GATAD2B: variants seen among roughly 807,000 people sequenced by gnomAD.
The protein encoded by GATAD2B is GATA zinc finger domain containing 2B.
In GATAD2B, 8 loss-of-function variants were observed where a neutral mutation model predicts 64.3. The ratio of observed to expected loss-of-function variants is 0.12; its 90% CI spans 0.07 to 0.22. GATAD2B has a LOEUF of 0.22. Ranked by LOEUF, GATAD2B falls within the 10% of genes least tolerant of loss-of-function variation. GATAD2B has a pLI of 1.00. For synonymous variants in GATAD2B, 281 were observed against 271.3 expected (o/e 1.04, Z -0.35); for missense variants, 453 against 752.0 (o/e 0.60, Z 4.65).
chr1:153,851,240 G>A (rs1399237101), intron 1 of GATAD2B, among the ~76,000 whole-genome samples: 1 of 152,106 alleles, frequency 6.6e-6, no homozygotes, highest in Admixed American at 6.6e-5. Flanking sequence ...TTAGCATAAT[G>A]TCCTCAAGCT....
chr1:153,856,121 CTT>C (rs1469121128), intron 1 of GATAD2B, among the ~76,000 whole-genome samples: 1 of 152,230 alleles, frequency 6.6e-6, no homozygotes, highest in African/African-American at 2.4e-5. Flanking sequence ...ACTGCCAACT[CTT>C]TGACACTCTT....
chr1:153,902,504 G>C (rs116185772), intron 1 of GATAD2B, among the ~76,000 whole-genome samples: 2 of 151,876 alleles, frequency 1.3e-5, no homozygotes, highest in African/African-American at 2.4e-5. Context: ...ACCCAGGCTC[G>C]AGTGAAGTGG....
rs576265951 is a variant in GATAD2B, at chr1:153,806,682, C to T, written c.*3495G>A. Reference sequence around the variant, plus strand: ...TCAAGAAATAGCTTATATACATGAACGAGTCCTTGTTATAACATCTCGGCA... The same window carrying T: ...TCAAGAAATAGCTTATATACATGAATGAGTCCTTGTTATAACATCTCGGCA... On this transcript the variant is annotated 3_prime_UTR_variant, in exon 11 of 11. Coordinates refer to ENST00000368655, the MANE Select transcript of GATAD2B (RefSeq NM_020699.4). 4.0e-5 allele frequency: 6 copies of T among 148,510 alleles called. No homozygotes were observed. Among genetic ancestry groups the T allele is most frequent in the East Asian group, 2.0e-4 (1 of 5,040 alleles). 9.2% of individuals were successfully genotyped at this position (148,510 alleles called of 1,614,324 possible).
At chr1:153,911,149 G>A (rs901345643) in intron 1 of GATAD2B, among the ~76,000 whole-genome samples, 7 of 152,046 alleles carry the variant, frequency 4.6e-5, no homozygotes, top group Non-Finnish European at 1.0e-4. Flanking sequence ...TTAACCAAAG[G>A]AGAAAAGCTT....
chr1:153,828,336 C>T lies in GATAD2B; in HGVS notation c.12G>A (p.Met4Ile), dbSNP rs1322932624. The part of the protein sequence containing the change: MDR[M>I]TEDALRLNLL... ...GATTCAAGCGAAGAGCATCTTCTGTCATTCTATCCATCCTATGGAAAGAAA... is the reference window on the plus strand; with the variant it reads ...GATTCAAGCGAAGAGCATCTTCTGTTATTCTATCCATCCTATGGAAAGAAA... The change falls in exon 2 of 11, where the codon ATG (methionine) becomes ATA (isoleucine). Residue 4 changes from methionine (M) to isoleucine (I), a missense_variant. This residue lies in a region of GATAD2B where 293 missense variants were observed against 417.2 expected (regional missense o/e 0.70). Transcript: ENST00000368655. 7 of 1,608,444 alleles carry T rather than the reference C, an allele frequency of 4.4e-6. No homozygotes were observed. Among genetic ancestry groups the T allele is most frequent in the Non-Finnish European group, 5.9e-6 (7 of 1,179,522 alleles).
At chr1:153,822,024 T>C (rs1674701347) in intron 2 of GATAD2B, among the ~76,000 whole-genome samples, 1 of 151,688 alleles carries the variant, frequency 6.6e-6, no homozygotes, top group African/African-American at 2.4e-5. Context: ...CTACTAAAAA[T>C]ACAAAAATTA....
intron 1 of GATAD2B, among the ~76,000 whole-genome samples, chr1:153,857,953 T>C (rs1260246280): frequency 1.3e-5 from 2 of 152,210 alleles, no homozygotes; most frequent in Non-Finnish European, 2.9e-5. Context: ...CTACCTAGTA[T>C]TGTAAGAAAT....
intron 1 of GATAD2B, among the ~76,000 whole-genome samples, chr1:153,921,529 TA>T (rs1678427756): frequency 6.6e-6 from 1 of 152,148 alleles, no homozygotes; most frequent in South Asian, 2.1e-4. Flanking sequence ...TTTGCTGAAA[TA>T]TATTAAGTAT....
At chr1:153,879,186 C>T (rs542712700) in intron 1 of GATAD2B, among the ~76,000 whole-genome samples, 167 of 152,060 alleles carry the variant, frequency 1.1e-3, no homozygotes, top group Middle Eastern at 3.4e-3. Context: ...GTGATCCGCC[C>T]GCCTCAGCCT....
At chr1:153,838,642 A>T (rs976164090) in intron 1 of GATAD2B, among the ~76,000 whole-genome samples, 3 of 152,146 alleles carry the variant, frequency 2.0e-5, no homozygotes, top group African/African-American at 7.2e-5. Flanking sequence ...CTGGAACTAC[A>T]GATGCGAGCC....
At chr1:153,855,778 C>G (rs1419964895) in intron 1 of GATAD2B, among the ~76,000 whole-genome samples, 2 of 151,878 alleles carry the variant, frequency 1.3e-5, no homozygotes, top group East Asian at 3.9e-4. Flanking sequence ...GCAGCTCAAG[C>G]GATTCTCCCA....
intron 1 of GATAD2B, among the ~76,000 whole-genome samples, chr1:153,837,696 T>C (rs1675323537): frequency 6.6e-6 from 1 of 152,166 alleles, no homozygotes. Context: ...CAGACTGTTG[T>C]GATGGTTGCA....
chr1:153,850,647 C>T (rs889792442), intron 1 of GATAD2B, among the ~76,000 whole-genome samples: 4 of 151,082 alleles, frequency 2.6e-5, no homozygotes, highest in African/African-American at 9.7e-5. Flanking sequence ...TGGCCAGGTG[C>T]GGTGGCTCAC....
intron 1 of GATAD2B, among the ~76,000 whole-genome samples, chr1:153,845,154 G>GA (rs1319764275): frequency 1.3e-5 from 2 of 152,152 alleles, no homozygotes; most frequent in African/African-American, 4.8e-5. Context: ...TGTCTGAGAT[G>GA]AAAACTACAA....
intron 1 of GATAD2B, among the ~76,000 whole-genome samples, chr1:153,898,590 G>C (rs1677673802): frequency 6.6e-6 from 1 of 152,032 alleles, no homozygotes; most frequent in African/African-American, 2.4e-5. Context: ...AATTAGCCAG[G>C]TGTGCCAGTG....
At chr1:153,853,205 G>A (rs1675967109) in intron 1 of GATAD2B, 7 of 1,171,206 alleles carry the variant, frequency 6.0e-6, no homozygotes, top group East Asian at 4.7e-5. Context: ...CTAGCTTCTG[G>A]ATGATGGGCA....
intron 1 of GATAD2B, among the ~76,000 whole-genome samples, chr1:153,879,677 C>T (rs150284367): frequency 1.3e-5 from 2 of 150,226 alleles, no homozygotes; most frequent in African/African-American, 2.4e-5. Flanking sequence ...GCAGGAGAAT[C>T]GCTTGAACCC....
intron 2 of GATAD2B, among the ~76,000 whole-genome samples, chr1:153,824,758 GAA>G (rs72042190): frequency 4.1e-5 from 6 of 146,680 alleles, no homozygotes; most frequent in African/African-American, 1.5e-4. Flanking sequence ...CTGAAAACAG[GAA>G]AAAAAAAAAG....
chr1:153,856,835 T>C (rs141460329), intron 1 of GATAD2B, among the ~76,000 whole-genome samples: 1,718 of 152,252 alleles, frequency 0.011, 19 homozygotes, highest in Middle Eastern at 0.034. Flanking sequence ...TGGCAGAACA[T>C]GGACAGTCCA....
Sources: allele counts gnomAD v4.1 joint callset (sites outside exome capture counted in the v4.1 genomes callset), GRCh38; gene constraint gnomAD v4.1.1; regional missense constraint gnomAD v4.1.1; transcripts MANE v1.5; gene names NCBI Gene and HGNC (gene_info 2026-07-23, HGNC 2026-07-21).